Variants in ARHGAP15 observed in about 807,000 individuals in gnomAD.
ARHGAP15 encodes rho GTPase-activating protein 15.
ARHGAP15 carries 51 observed loss-of-function variants against 63.7 expected under a neutral mutation model. That is an observed-to-expected ratio of 0.80 (90% confidence interval 0.64 to 1.01). ARHGAP15 has a LOEUF of 1.01. Ranked by LOEUF, ARHGAP15 falls within the 50% of genes least tolerant of loss-of-function variation. The probability of loss-of-function intolerance (pLI) is 0.00; values close to 1 mark genes in which losing one functional copy is unlikely to be tolerated. For missense variants in ARHGAP15, 560 were observed against 564.6 expected (o/e 0.99, Z 0.08); for synonymous variants, 191 against 193.8 (o/e 0.99, Z 0.12).
chr2:143,517,062 C>A (rs1459298211), intron 9 of ARHGAP15, among the ~76,000 whole-genome samples: 1 of 152,180 alleles, frequency 6.6e-6, no homozygotes, highest in Non-Finnish European at 1.5e-5. Flanking sequence ...AATTCTCCTG[C>A]CTCAGCCTCC....
intron 12 of ARHGAP15, among the ~76,000 whole-genome samples, chr2:143,674,545 G>A (rs998242493): frequency 1.3e-5 from 2 of 152,122 alleles, no homozygotes; most frequent in Non-Finnish European, 2.9e-5. Context: ...ACTACTGTTG[G>A]TTATGTGAGG....
At chr2:143,402,715 A>G (rs2105000511) in intron 6 of ARHGAP15, among the ~76,000 whole-genome samples, 1 of 152,000 alleles carries the variant, frequency 6.6e-6, no homozygotes, top group East Asian at 1.9e-4. Flanking sequence ...AAGATTTACA[A>G]AATCACAGCT....
chr2:143,320,488 A>G (rs1683971397), intron 6 of ARHGAP15, among the ~76,000 whole-genome samples: 1 of 142,322 alleles, frequency 7.0e-6, no homozygotes, highest in South Asian at 2.3e-4. Flanking sequence ...TGGGGCAAAC[A>G]TATGCTGCAA....
chr2:143,134,856 G>C (rs574042815), intron 1 of ARHGAP15, among the ~76,000 whole-genome samples: 6 of 152,036 alleles, frequency 3.9e-5, no homozygotes, highest in South Asian at 4.2e-4. Context: ...CCAGGATGGT[G>C]TCGATCTCCT....
intron 12 of ARHGAP15, among the ~76,000 whole-genome samples, chr2:143,694,491 A>T (rs1472056818): frequency 6.6e-6 from 1 of 152,150 alleles, no homozygotes; most frequent in African/African-American, 2.4e-5. Context: ...GATAACAGTA[A>T]CCATGCTGTG....
At chr2:143,201,881 C>A (rs1692132838) in intron 2 of ARHGAP15, among the ~76,000 whole-genome samples, 1 of 152,080 alleles carries the variant, frequency 6.6e-6, no homozygotes, top group East Asian at 1.9e-4. Context: ...AGAACACAGA[C>A]TTCAACATTT....
intron 6 of ARHGAP15, among the ~76,000 whole-genome samples, chr2:143,272,699 C>T (rs747362819): frequency 2.0e-5 from 3 of 152,066 alleles, no homozygotes; most frequent in Non-Finnish European, 4.4e-5. Flanking sequence ...TCATCTCAAT[C>T]CAGGTGATCT....
chr2:143,399,963 C>A (rs770096324), intron 6 of ARHGAP15, among the ~76,000 whole-genome samples: 1 of 152,042 alleles, frequency 6.6e-6, no homozygotes, highest in Non-Finnish European at 1.5e-5. Context: ...TGCAATTTGA[C>A]TCCAGGCAAG....
intron 6 of ARHGAP15, among the ~76,000 whole-genome samples, chr2:143,394,242 G>A (rs543685246): frequency 1.3e-5 from 2 of 152,226 alleles, no homozygotes; most frequent in East Asian, 3.9e-4. Flanking sequence ...TTGACTCTTA[G>A]CGATGAAAGC....
intron 6 of ARHGAP15, among the ~76,000 whole-genome samples, chr2:143,426,484 G>A (rs1288912146): frequency 6.6e-6 from 1 of 152,112 alleles, no homozygotes; most frequent in Non-Finnish European, 1.5e-5. Flanking sequence ...TCCTAGGTTG[G>A]TATGTTCTGG....
chr2:143,155,761 T>A (rs1690052477), intron 2 of ARHGAP15, 106 bp downstream of exon 2: 1 of 1,179,892 alleles, frequency 8.5e-7, no homozygotes, highest in Non-Finnish European at 1.2e-6. Flanking sequence ...CTAATGTGCA[T>A]GAGAAAACTG....
At chr2:143,174,254 A>G (rs1690920359) in intron 2 of ARHGAP15, among the ~76,000 whole-genome samples, 2 of 152,120 alleles carry the variant, frequency 1.3e-5, no homozygotes, top group Admixed American at 1.3e-4. Context: ...TTGATCTTCA[A>G]CCAGAAGTTC....
At chr2:143,733,581 C>T (rs922763882) in intron 13 of ARHGAP15, among the ~76,000 whole-genome samples, 8 of 152,164 alleles carry the variant, frequency 5.3e-5, no homozygotes, top group Non-Finnish European at 1.0e-4. Flanking sequence ...GTCCCAACTT[C>T]GTTTTTCAGA....
At chr2:143,171,900 G>C (rs1409582916) in intron 2 of ARHGAP15, 1 of 151,998 alleles carries the variant, frequency 6.6e-6, no homozygotes, top group African/African-American at 2.4e-5. Flanking sequence ...AGCAGTTGCT[G>C]TGCTTGGCTA....
intron 6 of ARHGAP15, among the ~76,000 whole-genome samples, chr2:143,290,368 T>C (rs2105114808): frequency 6.6e-6 from 1 of 151,468 alleles, no homozygotes; most frequent in South Asian, 2.1e-4. Flanking sequence ...TGTTTAAGGG[T>C]TAAGGAAAAT....
chr2:143,499,079 G>GAACC (rs150177972), intron 9 of ARHGAP15, among the ~76,000 whole-genome samples: 2,209 of 152,258 alleles, frequency 0.015, 37 homozygotes, highest in Middle Eastern at 0.075. Context: ...GCCAGCTTGA[G>GAACC]AACCACCCTA....
At chr2:143,647,360 A>T (rs796281208) in intron 12 of ARHGAP15, among the ~76,000 whole-genome samples, 3 of 36,172 alleles carry the variant, frequency 8.3e-5, no homozygotes, top group South Asian at 7.9e-4. Context: ...CCAAGTAGTT[A>T]AAAAAAAAAA....
intron 6 of ARHGAP15, among the ~76,000 whole-genome samples, chr2:143,397,064 G>A (rs1368891753): frequency 1.3e-5 from 2 of 151,992 alleles, no homozygotes; most frequent in Non-Finnish European, 2.9e-5. Flanking sequence ...TAATTTTTCA[G>A]TGCTGCAAAG....
chr2:143,483,427 C>T (rs774653741), intron 8 of ARHGAP15, among the ~76,000 whole-genome samples: 3 of 152,278 alleles, frequency 2.0e-5, no homozygotes, highest in Non-Finnish European at 4.4e-5. Flanking sequence ...GGTATTCTAT[C>T]ATGGGAAATG....
Sources: allele counts gnomAD v4.1 joint callset (sites outside exome capture counted in the v4.1 genomes callset), GRCh38; gene constraint gnomAD v4.1.1; transcripts MANE v1.5; gene names NCBI Gene and HGNC (gene_info 2026-07-23, HGNC 2026-07-21).